Variants in SEMA6A observed in about 807,000 individuals in gnomAD.
SEMA6A encodes semaphorin-6A.
SEMA6A carries 25 observed loss-of-function variants against 96.8 expected under a neutral mutation model. That is an observed-to-expected ratio of 0.26 (90% CI 0.19 to 0.36). The LOEUF (loss-of-function observed/expected upper bound fraction) is 0.36. Among genes scored for constraint, SEMA6A ranks in the 10% least tolerant of loss-of-function variants. SEMA6A has a pLI of 1.00. For synonymous variants in SEMA6A, 612 were observed against 518.0 expected (o/e 1.18, Z -2.46); for missense variants, 1,363 against 1,323.1 (o/e 1.03, Z -0.47).
At chr5:116,484,660 T>A (rs537954897) in intron 10 of SEMA6A, among the ~76,000 whole-genome samples, 1 of 152,036 alleles carries the variant, frequency 6.6e-6, no homozygotes, top group South Asian at 2.1e-4. Flanking sequence ...ACAAAAATCA[T>A]AACAACAACA....
At chr5:116,464,500 G>A (rs895982717) in intron 18 of SEMA6A, among the ~76,000 whole-genome samples, 2 of 152,218 alleles carry the variant, frequency 1.3e-5, no homozygotes, top group African/African-American at 2.4e-5. Context: ...TCCGCGTGCT[G>A]TGCAGGTCTC....
chr5:116,527,155 A>C (rs184860969), intron 1 of SEMA6A, among the ~76,000 whole-genome samples: 105 of 152,310 alleles, frequency 6.9e-4, no homozygotes, highest in African/African-American at 2.5e-3. Flanking sequence ...TCCCGACAAT[A>C]AAGTTTAAAC....
chr5:116,502,236 C>T lies in SEMA6A; in HGVS notation c.192G>A (p.Met64Ile), dbSNP rs752388005. The T allele has an allele frequency of 9.3e-6, 15 of 1,613,912 alleles. No individual in the cohort carries two copies. In the East Asian group the frequency reaches 3.3e-4, roughly 36 times the overall value. Residue 64 changes from methionine (M) to isoleucine (I), a missense_variant, in exon 3 of 19, where the codon ATG (methionine) becomes ATA (isoleucine). Around this residue, in one of 2 missense-constraint regions of SEMA6A, gnomAD observed 480 missense variants for 559.5 expected, o/e 0.86. Coordinates refer to ENST00000343348, the MANE Select transcript of SEMA6A (RefSeq NM_020796.5). ...TAGCAGCAATGTAGAGGGTTCCGTT[C>T]ATGATCATAATCATCTGGATGTCCA... ...HRLDIQMIMI[M>I]NGTLYIAARD... is the part of the protein sequence containing the mutation.
chr5:116,543,533 C>G (rs1052441823), intron 1 of SEMA6A, among the ~76,000 whole-genome samples: 1 of 152,222 alleles, frequency 6.6e-6, no homozygotes, highest in Non-Finnish European at 1.5e-5. Flanking sequence ...TCTCTAACAT[C>G]TAGACCTGTC....
rs1299459228 is a variant in SEMA6A at position 116,478,373 on chromosome 5, C to A, written c.1427+169G>T. ...GTATCTATATAAACACACACACACA[C>A]ATTGGCAAGGAGAAAATAATGCTTT... On this transcript the variant is annotated intron_variant, in intron 13 of 18. Coordinates refer to ENST00000343348, the MANE Select transcript of SEMA6A (RefSeq NM_020796.5). 7 of 806,538 alleles carry A rather than the reference C, an allele frequency of 8.7e-6. No homozygotes were observed. The East Asian group carries it at 1.9e-4, about 22-fold the overall frequency. 50.0% of individuals were successfully genotyped at this position (806,538 alleles called of 1,614,324 possible). A position where few individuals can be genotyped will look rare whatever the true frequency, so the allele number is the denominator to read the frequency against.
Position 116,497,388 on chromosome 5 carries a change from C to T in SEMA6A, c.219-1G>A. ...TATATCAACAGTATAAATATGGTCC[C>T]TATAGGCAAAGAAAAATTAATACAA... On this transcript the variant is annotated splice_acceptor_variant, in intron 3 of 18. Coordinates refer to ENST00000343348, the MANE Select transcript of SEMA6A (RefSeq NM_020796.5). LOFTEE classifies it high-confidence loss of function. 6.3e-7 allele frequency: 1 copy of T among 1,580,368 alleles called. No homozygotes were observed.
At chr5:116,492,197 G>C in intron 6 of SEMA6A, 1 of 229,994 alleles carries the variant, frequency 4.3e-6, no homozygotes, top group Non-Finnish European at 8.6e-6. Flanking sequence ...AGCACACAGT[G>C]ATGCAACGGA....
chr5:116,498,268 A>T (rs1757700400), intron 3 of SEMA6A, among the ~76,000 whole-genome samples: 1 of 152,190 alleles, frequency 6.6e-6, no homozygotes, highest in Non-Finnish European at 1.5e-5. Context: ...TCTAAAATGC[A>T]GGAAGTCCTG....
intron 18 of SEMA6A, among the ~76,000 whole-genome samples, chr5:116,456,875 G>A (rs1298002738): frequency 6.6e-6 from 1 of 152,198 alleles, no homozygotes; most frequent in African/African-American, 2.4e-5. Flanking sequence ...CAACGTTTGA[G>A]AATGGTTTAG....
chr5:116,547,726 C>G (rs928385411), intron 1 of SEMA6A, among the ~76,000 whole-genome samples: 1 of 104,586 alleles, frequency 9.6e-6, no homozygotes, highest in Non-Finnish European at 1.8e-5. Flanking sequence ...TGCTATGTAT[C>G]TGATACTTAA....
chr5:116,553,648 C>T (rs1055605499), intron 1 of SEMA6A, among the ~76,000 whole-genome samples: 6 of 152,096 alleles, frequency 3.9e-5, no homozygotes, highest in Non-Finnish European at 7.4e-5. Flanking sequence ...CAATAGTACC[C>T]GGCCTTGGTT....
At chr5:116,489,093 T>TCCAACATC in intron 7 of SEMA6A, 86 bp from the exon 8 acceptor site, 1 of 1,390,248 alleles carries the variant, frequency 7.2e-7, no homozygotes, top group South Asian at 1.7e-5. Context: ...TAGATTGCTT[T>TCCAACATC]CCAACATCAG....
At chr5:116,489,330 C>G (rs1757216148) in intron 7 of SEMA6A, among the ~76,000 whole-genome samples, 1 of 152,040 alleles carries the variant, frequency 6.6e-6, no homozygotes, top group Non-Finnish European at 1.5e-5. Context: ...AACCTCAAGG[C>G]CAAGGATCCT....
chr5:116,529,175 C>T (rs1298343537), intron 1 of SEMA6A, among the ~76,000 whole-genome samples: 1 of 152,078 alleles, frequency 6.6e-6, no homozygotes, highest in Non-Finnish European at 1.5e-5. Context: ...TTTTATATTC[C>T]AACCAGTTAT....
intron 1 of SEMA6A, among the ~76,000 whole-genome samples, chr5:116,547,152 C>T (rs140635465): frequency 2.4e-3 from 360 of 152,250 alleles, no homozygotes; most frequent in African/African-American, 8.2e-3. Context: ...AATCTATTAG[C>T]CTCAACAAAA....
At chr5:116,471,894 C>CCCCTTTGTTTCTTTTCTTTT (rs1756167677) in intron 17 of SEMA6A, among the ~76,000 whole-genome samples, 1 of 152,170 alleles carries the variant, frequency 6.6e-6, no homozygotes, top group Non-Finnish European at 1.5e-5. Flanking sequence ...TCTTTTCCTT[C>CCCCTTTGTTTCTTTTCTTTT]CCCTTTGTTT....
At chr5:116,527,751 A>G (rs1324087330) in intron 1 of SEMA6A, among the ~76,000 whole-genome samples, 1 of 152,210 alleles carries the variant, frequency 6.6e-6, no homozygotes, top group Non-Finnish European at 1.5e-5. Context: ...AGTTAACAGT[A>G]TAACGTGACA....
At chr5:116,451,731 C>A (rs1361376682) in intron 18 of SEMA6A, among the ~76,000 whole-genome samples, 1 of 143,052 alleles carries the variant, frequency 7.0e-6, no homozygotes, top group Admixed American at 7.1e-5. Context: ...GACTATCACC[C>A]TTGCTTTTGA....
intron 7 of SEMA6A, among the ~76,000 whole-genome samples, chr5:116,489,616 C>T (rs9885340): frequency 6.6e-6 from 1 of 152,042 alleles, no homozygotes; most frequent in Non-Finnish European, 1.5e-5. Flanking sequence ...TATTTGCTTC[C>T]GCATCTCCAA....
Sources: allele counts gnomAD v4.1 joint callset (sites outside exome capture counted in the v4.1 genomes callset), GRCh38; gene constraint gnomAD v4.1.1; regional missense constraint gnomAD v4.1.1; transcripts MANE v1.5; gene names NCBI Gene and HGNC (gene_info 2026-07-23, HGNC 2026-07-21).